The following PCTP variants were observed in gnomAD, a reference collection of about 807,000 sequenced individuals.
The protein encoded by PCTP is phosphatidylcholine transfer protein.
PCTP carries 27 observed loss-of-function variants against 31.0 expected under a neutral mutation model. The observed-to-expected ratio is 0.87, with a 90% confidence interval of 0.64 to 1.20. PCTP has a LOEUF of 1.20. Ranked by LOEUF, PCTP falls within the 50% of genes most tolerant of loss-of-function variation. The pLI is 0.00. For missense variants in PCTP, 287 were observed against 268.2 expected (o/e 1.07, Z -0.49); for synonymous variants, 108 against 101.2 (o/e 1.07, Z -0.40).
At chr17:55,814,513 G>A (rs1031758607) in intron 3 of PCTP, among the ~76,000 whole-genome samples, 2 of 152,202 alleles carry the variant, frequency 1.3e-5, no homozygotes, top group African/African-American at 4.8e-5. Context: ...AACAAGGTCG[G>A]GGGGAAAGAA....
intron 2 of PCTP, among the ~76,000 whole-genome samples, chr17:55,784,494 C>T (rs889456257): frequency 2.6e-4 from 39 of 152,014 alleles, no homozygotes; most frequent in African/African-American, 8.0e-4. Context: ...ATTATTCTTC[C>T]CTAAACAACA....
At chr17:55,753,480 A>G (rs149907086) in intron 1 of PCTP, among the ~76,000 whole-genome samples, 73 of 152,346 alleles carry the variant, frequency 4.8e-4, no homozygotes, top group South Asian at 3.7e-3. Flanking sequence ...ATAAGGTACT[A>G]TGATGATCAC....
chr17:55,831,580 AG>A (rs1567733717), intron 5 of PCTP, among the ~76,000 whole-genome samples: 2 of 152,228 alleles, frequency 1.3e-5, no homozygotes, highest in South Asian at 2.1e-4. Flanking sequence ...CTTTAAAAAA[AG>A]GGTTTTGTGT....
intron 5 of PCTP, among the ~76,000 whole-genome samples, chr17:55,841,269 C>T (rs1296506321): frequency 6.6e-6 from 1 of 152,166 alleles, no homozygotes; most frequent in Admixed American, 6.5e-5. Flanking sequence ...GACGGGTTCA[C>T]AGCTTGGAGA....
At chr17:55,837,865 G>A (rs1022764541) in intron 5 of PCTP, among the ~76,000 whole-genome samples, 2 of 152,170 alleles carry the variant, frequency 1.3e-5, no homozygotes, top group African/African-American at 4.8e-5. Context: ...GCTGAGTGCT[G>A]TGGCTCACAC....
intron 3 of PCTP, among the ~76,000 whole-genome samples, chr17:55,821,555 A>G (rs1017241641): frequency 6.6e-6 from 1 of 152,234 alleles, no homozygotes; most frequent in Non-Finnish European, 1.5e-5. Flanking sequence ...AAAACCAACA[A>G]TACAAATAGC....
At chr17:55,837,256 G>A (rs1394066827) in intron 5 of PCTP, among the ~76,000 whole-genome samples, 1 of 152,184 alleles carries the variant, frequency 6.6e-6, no homozygotes, top group Admixed American at 6.5e-5. Flanking sequence ...GTAATAACAA[G>A]ATTTCAGACA....
chr17:55,787,304 G>T (rs796168891), intron 2 of PCTP, among the ~76,000 whole-genome samples: 2 of 151,062 alleles, frequency 1.3e-5, no homozygotes, highest in East Asian at 3.9e-4. Flanking sequence ...TTATACATGC[G>T]TTTGTGTGTG....
intron 3 of PCTP, among the ~76,000 whole-genome samples, chr17:55,819,802 T>A (rs1913054420): frequency 1.3e-5 from 2 of 152,196 alleles, no homozygotes; most frequent in South Asian, 4.1e-4. Flanking sequence ...GATGGTGTTG[T>A]ACTGGCATGA....
chr17:55,820,421 C>G (rs1216520666), intron 3 of PCTP, among the ~76,000 whole-genome samples: 1 of 152,122 alleles, frequency 6.6e-6, no homozygotes, highest in Admixed American at 6.5e-5. Context: ...CTGCTCTGGG[C>G]TTCCAAAATA....
chr17:55,751,338 A>G (rs1263117009), intron 1 of PCTP, 94 bp downstream of exon 1: 49 of 1,527,264 alleles, frequency 3.2e-5, no homozygotes, highest in Admixed American at 8.2e-5. Context: ...CGGAAGGGAC[A>G]GGGGCGCGTC....
In PCTP at chr17:55,773,849, C is replaced by T. The variant is rs1911149831; in HGVS notation, c.465C>T (p.Tyr155=). 1.9e-6 allele frequency: 3 copies of T among 1,612,680 alleles called. No individual in the cohort carries two copies. Among genetic ancestry groups the T allele is most frequent in the Middle Eastern group, 1.7e-4 (1 of 6,056 alleles). The change falls in exon 4 of 6, where the codon TAC becomes TAT. Residue 155 remains tyrosine (Y), a synonymous_variant. Transcript: ENST00000268896. ...CTGGGGTGATCCGGGTGAAGCAATA[C>T]AAGCAGAGCCTGGCGATCGAGAGTG... The part of the protein sequence containing the change: ...ERSGVIRVKQ[Y]KQSLAIESDG...
intron 3 of PCTP, among the ~76,000 whole-genome samples, chr17:55,815,481 A>G (rs1005426361): frequency 3.3e-5 from 5 of 152,186 alleles, no homozygotes; most frequent in Admixed American, 1.3e-4. Flanking sequence ...ATGGAGTAAC[A>G]TTTTGGCTTA....
rs112051487 is a variant in PCTP, at chr17:55,828,498, T to C, written n.505+5571T>C. The stretch of plus-strand genomic sequence containing the variant: ...TTCACATGGCATTCTCTTCTCTTTG[T>C]ATGTCTATTTCCAAATCTCCTCTTT... On this transcript the variant is annotated intron_variant and non_coding_transcript_variant, in intron 5 of 5. Coordinates refer to the PCTP transcript ENST00000576221. Among the ~76,000 whole-genome samples the C allele has an allele frequency of 2.0e-3, 312 of 152,340 alleles. 1 individual carries two copies. The highest frequency in any genetic ancestry group is 3.5e-3 in the Non-Finnish European group (241 of 68,036).
downstream of PCTP, among the ~76,000 whole-genome samples, chr17:55,843,480 C>T (rs914339145): frequency 2.6e-5 from 4 of 152,164 alleles, no homozygotes; most frequent in African/African-American, 9.7e-5. Context: ...TGCAGTTCCA[C>T]GAATAAACCG....
chr17:55,797,420 G>A (rs1912221168), intron 3 of PCTP, among the ~76,000 whole-genome samples: 1 of 152,010 alleles, frequency 6.6e-6, no homozygotes, highest in African/African-American at 2.4e-5. Flanking sequence ...TTCTCATGGG[G>A]CTATGAAGGA....
At chr17:55,845,779 C>T (rs1052709300), downstream of PCTP, among the ~76,000 whole-genome samples, 5 of 151,962 alleles carry the variant, frequency 3.3e-5, no homozygotes, top group Non-Finnish European at 5.9e-5. Context: ...CCTGGCTCCG[C>T]ACCAGCCCAG....
downstream of PCTP, among the ~76,000 whole-genome samples, chr17:55,778,707 G>A (rs1210057659): frequency 6.6e-6 from 1 of 152,256 alleles, no homozygotes; most frequent in East Asian, 1.9e-4. Context: ...CTTTGCTGGT[G>A]TGGCTATGGG....
intron 3 of PCTP, among the ~76,000 whole-genome samples, chr17:55,795,854 G>A (rs1272003704): frequency 6.6e-6 from 1 of 152,054 alleles, no homozygotes; most frequent in Non-Finnish European, 1.5e-5. Flanking sequence ...CATCCATTAG[G>A]CATTTTGCAT....
Sources: allele counts gnomAD v4.1 joint callset (sites outside exome capture counted in the v4.1 genomes callset), GRCh38; gene constraint gnomAD v4.1.1; transcripts MANE v1.5; gene names NCBI Gene and HGNC (gene_info 2026-07-23, HGNC 2026-07-21).